Variants in PDIA3 observed in about 807,000 individuals in gnomAD.
The protein encoded by PDIA3 is protein disulfide isomerase family A member 3.
PDIA3 carries 16 observed loss-of-function variants against 56.9 expected under a neutral mutation model. That is an observed-to-expected ratio of 0.28 (90% confidence interval 0.19 to 0.43). The LOEUF is 0.43. Ranked by LOEUF, PDIA3 falls within the 20% of genes least tolerant of loss-of-function variation. The pLI, the probability that PDIA3 is intolerant of heterozygous loss-of-function variation, is 1.00. For missense variants in PDIA3, 485 were observed against 621.3 expected, an observed-to-expected ratio of 0.78 and a Z score of 2.33; for synonymous variants, 192 against 216.5, an observed-to-expected ratio of 0.89 and a Z score of 0.99.
chr15:43,746,470 C>G lies in PDIA3; in HGVS notation c.-70C>G, dbSNP rs1005482198. The G allele has an allele frequency of 7.3e-7, 1 of 1,369,528 alleles. No individual in the cohort carries two copies. The highest frequency in any genetic ancestry group is 1.5e-5 in the African/African-American group (1 of 65,714). 84.8% of individuals were successfully genotyped at this position (1,369,528 alleles called of 1,614,324 possible). A position where few individuals can be genotyped will look rare whatever the true frequency, so the allele number is the denominator to read the frequency against. On this transcript the variant is annotated 5_prime_UTR_variant, in exon 1 of 13. Transcript: ENST00000300289. ...CGAGCGCAAGCAGCGGGTTAGTGGT[C>G]GCGCGCCCGACCTCCGCAGTCCCAG...
intron 3 of PDIA3, 58 bp downstream of exon 3, chr15:43,756,824 G>A (rs1456429571): frequency 4.3e-6 from 4 of 932,558 alleles, no homozygotes; most frequent in African/African-American, 3.3e-5. Context: ...TCTTTGTAGT[G>A]GAAACATAAA....
At chr15:43,768,749 A>AGCGGTG (rs1313586696) in intron 9 of PDIA3, 152 bp downstream of exon 9, 6 of 606,060 alleles carry the variant, frequency 9.9e-6, no homozygotes, top group Non-Finnish European at 1.8e-5. Flanking sequence ...TGGCAGGCCA[A>AGCGGTG]GCGGTGGCTC....
At position 43,746,650 on chromosome 15, in the gene PDIA3, T is replaced by G; in HGVS notation, c.111T>G (p.Ser37Arg). 6.2e-7 allele frequency: 1 copy of G among 1,612,686 alleles called. No individual in the cohort carries two copies. The highest frequency in any genetic ancestry group is 8.5e-7 in the Non-Finnish European group (1 of 1,179,824). ...VLELTDDNFE[S>R]RISDTGSAGL... ...AACTCACGGACGACAACTTCGAGAG[T>G]CGCATCTCCGACACGGGCTCTGCGG... is the stretch of plus-strand genomic sequence containing the variant. Residue 37 changes from serine (S) to arginine (R), a missense_variant, in exon 1 of 13, where the codon AGT becomes AGG. By Grantham distance (110) the Ser-to-Arg change is moderately radical. Coordinates refer to ENST00000300289, the MANE Select transcript of PDIA3 (RefSeq NM_005313.5).
At chr15:43,749,802 C>T (rs865793025) in intron 1 of PDIA3, among the ~76,000 whole-genome samples, 1 of 152,034 alleles carries the variant, frequency 6.6e-6, no homozygotes, top group Non-Finnish European at 1.5e-5. Context: ...ATTAACCGGG[C>T]ATGGTAGCAC....
intron 3 of PDIA3, among the ~76,000 whole-genome samples, 171 bp from the exon 4 acceptor site, chr15:43,761,253 A>C (rs901843477): frequency 8.6e-5 from 13 of 151,954 alleles, no homozygotes; most frequent in Non-Finnish European, 5.9e-5. Context: ...AAAAAAAAAA[A>C]AAAAAAACCT....
intron 2 of PDIA3, among the ~76,000 whole-genome samples, chr15:43,755,806 C>G (rs1014041043): frequency 2.6e-5 from 4 of 151,490 alleles, no homozygotes; most frequent in Non-Finnish European, 5.9e-5. Context: ...CCCAGCTACT[C>G]GGGAGGCTGA....
At chr15:43,761,633 TG>T in intron 4 of PDIA3, 102 bp downstream of exon 4, 1 of 644,250 alleles carries the variant, frequency 1.6e-6, no homozygotes, top group East Asian at 2.7e-5. Flanking sequence ...AAGGAAACCT[TG>T]GGGCAGTTGA....
intron 8 of PDIA3, among the ~76,000 whole-genome samples, chr15:43,767,769 C>CAAA (rs11294471): frequency 1.7e-3 from 123 of 73,040 alleles, no homozygotes; most frequent in East Asian, 3.1e-3. Context: ...GACTCTGTCT[C>CAAA]AAAAAAAAAA....
chr15:43,767,340 G>A lies in PDIA3; in HGVS notation c.1028+430G>A, dbSNP rs532964815. Among the ~76,000 whole-genome samples, 217 of 152,082 alleles carry A rather than the reference G, an allele frequency of 1.4e-3. 1 individual carries two copies. The highest frequency in any genetic ancestry group is 3.1e-3 in the South Asian group (15 of 4,806). ...GCACTCTGGCCTGGGCAACAAGAGC[G>A]AAACTCTGTCTCAAAAAAAGAAATA... On this transcript the variant is annotated intron_variant, in intron 8 of 12. Transcript: ENST00000300289.
Position 43,763,129 on chromosome 15 carries a change from C to A in PDIA3, c.525C>A (p.Ala175=), listed in dbSNP as rs762160189. ...SEAHSEFLKA[A]SNLRDNYRFA... is the part of the protein sequence containing the mutation. ...CTCACTCCGAGTTCCTAAAAGCAGC[C>A]AGCAACTTGAGGGATAACTACCGAT... Residue 175 remains alanine (A), a synonymous_variant, in exon 5 of 13, where the codon GCC becomes GCA. Transcript: ENST00000300289. 14 of 1,613,932 alleles carry A rather than the reference C, an allele frequency of 8.7e-6. No homozygotes were observed. Among genetic ancestry groups the A allele is most frequent in the Non-Finnish European group, 1.2e-5 (14 of 1,179,914 alleles).
intron 4 of PDIA3, among the ~76,000 whole-genome samples, chr15:43,761,828 A>G (rs2141652613): frequency 6.6e-6 from 1 of 152,218 alleles, no homozygotes; most frequent in African/African-American, 2.4e-5. Context: ...GGTGTGGGGA[A>G]AAAAATAAAG....
At chr15:43,752,116 C>T (rs148149469) in intron 1 of PDIA3, among the ~76,000 whole-genome samples, 96 of 152,332 alleles carry the variant, frequency 6.3e-4, no homozygotes, top group Non-Finnish European at 1.2e-3. Context: ...TCTTAGTACA[C>T]GTGCACGCAC....
At chr15:43,757,999 CTT>C in intron 3 of PDIA3, among the ~76,000 whole-genome samples, 1 of 151,498 alleles carries the variant, frequency 6.6e-6, no homozygotes, top group South Asian at 2.1e-4. Context: ...AATCCTAGCA[CTT>C]TGGGAGGCTG....
intron 2 of PDIA3, among the ~76,000 whole-genome samples, chr15:43,755,517 A>G (rs1388312878): frequency 6.6e-6 from 1 of 152,222 alleles, no homozygotes; most frequent in East Asian, 1.9e-4. Context: ...GTAAACCCAT[A>G]GTTGTTCTAG....
At chr15:43,764,521 G>A (rs746704732) in intron 5 of PDIA3, among the ~76,000 whole-genome samples, 4 of 152,138 alleles carry the variant, frequency 2.6e-5, no homozygotes, top group Non-Finnish European at 5.9e-5. Context: ...AGGCTGGAGT[G>A]CAGTGGTGCG....
chr15:43,766,091 C>T, intron 7 of PDIA3, 79 bp downstream of exon 7: 1 of 1,160,336 alleles, frequency 8.6e-7, no homozygotes, highest in Non-Finnish European at 1.2e-6. Flanking sequence ...CTTGTTGGTT[C>T]CTTAAGAATC....
intron 2 of PDIA3, 123 bp from the exon 3 acceptor site, chr15:43,756,526 G>A: frequency 1.5e-6 from 1 of 679,202 alleles, no homozygotes; most frequent in South Asian, 1.7e-5. Context: ...ATGTTCTGTG[G>A]CATATATGCC....
chr15:43,759,490 T>G (rs1206704867), intron 3 of PDIA3, among the ~76,000 whole-genome samples: 1 of 152,150 alleles, frequency 6.6e-6, no homozygotes, highest in African/African-American at 2.4e-5. Flanking sequence ...ATTCTAGGAC[T>G]TGCTATGCAT....
In PDIA3 at chr15:43,756,725, A is replaced by G. The variant is rs746916199; in HGVS notation, c.323A>G (p.Asp108Gly). 1.2e-6 allele frequency: 2 copies of G among 1,609,280 alleles called. No homozygotes were observed. Among genetic ancestry groups the G allele is most frequent in the African/African-American group, 1.3e-5 (1 of 74,930 alleles). ...SGYPTLKIFRDGEEAGAYDGP... is the reference protein window; with the variant it reads ...SGYPTLKIFRGGEEAGAYDGP... ...TATCCAACCCTGAAGATATTTAGAG[A>G]TGGTGAAGAAGCAGGTGCTTATGAT... The change falls in exon 3 of 13, where the codon GAT becomes GGT. Residue 108 changes from aspartate to glycine, a missense_variant. Transcript: ENST00000300289.
Sources: gnomAD v4.1 joint callset for allele counts (sites outside exome capture counted in the v4.1 genomes callset) on GRCh38, gnomAD v4.1.1 for gene constraint, MANE v1.5 for transcripts, NCBI Gene and HGNC (gene_info 2026-07-23, HGNC 2026-07-21) for gene names.